SLC12A1: variants seen among roughly 807,000 people sequenced by gnomAD.
The protein encoded by SLC12A1 is solute carrier family 12 member 1.
Under a neutral mutation model 130.4 loss-of-function variants are expected in SLC12A1, and 89 were observed. That is an observed-to-expected ratio of 0.68 (90% CI 0.58 to 0.81). The LOEUF is 0.81. Among genes scored for constraint, SLC12A1 ranks in the 40% least tolerant of loss-of-function variants. The pLI, the probability that SLC12A1 is intolerant of heterozygous loss-of-function variation, is 0.00. For missense variants in SLC12A1, 1,310 were observed against 1,336.4 expected (o/e 0.98, Z 0.31); for synonymous variants, 499 against 460.0 (o/e 1.08, Z -1.09).
At chr15:48,259,858 A>C (rs2141076535) in intron 17 of SLC12A1, among the ~76,000 whole-genome samples, 1 of 152,366 alleles carries the variant, frequency 6.6e-6, no homozygotes, top group South Asian at 2.1e-4. Flanking sequence ...AATACATGGT[A>C]GACTAATAAT....
At position 48,230,383 on chromosome 15, in the gene SLC12A1, G is replaced by T. The variant is rs1260912475; in HGVS notation, c.865-10G>T. On this transcript the variant is annotated splice_polypyrimidine_tract_variant and intron_variant, in intron 6 of 26. Transcript: ENST00000380993. ...TGTATCTCTAAGCACTTAATAATTT[G>T]TTTCCCCAGGAGAGTGATTCGATGA... 2.2e-5 allele frequency: 35 copies of T among 1,573,810 alleles called. No individual in the cohort carries two copies. Among genetic ancestry groups the T allele is most frequent in the Non-Finnish European group, 3.0e-5 (34 of 1,146,628 alleles).
rs2041337663 is a variant in SLC12A1 at position 48,229,313 on chromosome 15, A to G, written c.849A>G (p.Val283=). 5 of 1,601,534 alleles carry G rather than the reference A, an allele frequency of 3.1e-6. No homozygotes were observed. Among genetic ancestry groups the G allele is most frequent in the Non-Finnish European group, 4.3e-6 (5 of 1,173,566 alleles). ...ATGTGGTGGGATTTGCTGAGACTGT[A>G]GTAGATCTTCTTAAGGTAATTAAAA... The part of the protein sequence containing the change: ...AMYVVGFAET[V]VDLLKESDSM... Residue 283 remains valine (V), a synonymous_variant, in exon 6 of 27, where the codon GTA becomes GTG. Transcript: ENST00000380993.
chr15:48,267,630 A>C lies in SLC12A1; in HGVS notation c.2224A>C (p.Asn742His). 6.2e-7 allele frequency: 1 copy of C among 1,613,714 alleles called. No individual in the cohort carries two copies. Among genetic ancestry groups the C allele is most frequent in the Non-Finnish European group, 8.5e-7 (1 of 1,179,670 alleles). Residue 742 changes from asparagine to histidine, a missense_variant, in exon 18 of 27, where the codon AAC becomes CAC. Physicochemically the swap from Asn to His is moderately conservative, Grantham distance 68. Transcript: ENST00000380993. ...GAAAAAACAGGCCTGGCTTATAAAG[A>C]ACAAAATCAAGGCTTTTTATGCTGC... The part of the protein sequence containing the change: ...MAKKQAWLIK[N>H]KIKAFYAAVA...
intron 2 of SLC12A1, among the ~76,000 whole-genome samples, chr15:48,214,820 A>G (rs78452004): frequency 0.013 from 1,990 of 152,240 alleles, 91 homozygotes; most frequent in Admixed American, 0.087. Flanking sequence ...TTGAAACTCA[A>G]TAATGAGTAC....
In SLC12A1 at chr15:48,261,655, G is replaced by A. The variant is rs185778162; in HGVS notation, c.2154+2344G>A. Among the ~76,000 whole-genome samples, 19 of 152,364 alleles carry A rather than the reference G, an allele frequency of 1.2e-4. No individual in the cohort carries two copies. The East Asian group carries it at 2.7e-3, about 22-fold the overall frequency. ...AAACAGATGGAAGGGGATATAGGGG[G>A]AGTAAGTATGCCATTAGAAATTTTT... On this transcript the variant is annotated intron_variant, in intron 17 of 26. Coordinates refer to ENST00000380993, the MANE Select transcript of SLC12A1 (RefSeq NM_000338.3).
intron 17 of SLC12A1, among the ~76,000 whole-genome samples, chr15:48,264,669 C>T (rs1467303889): frequency 6.6e-6 from 1 of 152,072 alleles, no homozygotes; most frequent in Non-Finnish European, 1.5e-5. Flanking sequence ...GAAAAATTTT[C>T]TTTCCCACAA....
intron 10 of SLC12A1, among the ~76,000 whole-genome samples, chr15:48,242,782 A>G (rs1354752399): frequency 1.3e-5 from 2 of 152,352 alleles, no homozygotes; most frequent in East Asian, 3.9e-4. Flanking sequence ...AGCCTGGGCA[A>G]CAGAGTGAGA....
At chr15:48,254,998 G>C (rs1425037073) in intron 15 of SLC12A1, among the ~76,000 whole-genome samples, 1 of 152,102 alleles carries the variant, frequency 6.6e-6, no homozygotes, top group Admixed American at 6.5e-5. Flanking sequence ...GAAGATTAGG[G>C]ATTAGGTTCT....
intron 20 of SLC12A1, among the ~76,000 whole-genome samples, chr15:48,282,787 GTGTTTAGGTTTATCTGA>G (rs924520046): frequency 6.6e-6 from 1 of 152,100 alleles, no homozygotes. Flanking sequence ...ATGCCTGAGA[GTGTTTAGGTTTATCTGA>G]TGATAAAGCA....
At chr15:48,271,411 A>G (rs929596036) in intron 19 of SLC12A1, among the ~76,000 whole-genome samples, 1 of 152,184 alleles carries the variant, frequency 6.6e-6, no homozygotes, top group Admixed American at 6.5e-5. Flanking sequence ...TGAGAGATAC[A>G]GCTGCACTTC....
chr15:48,299,472 A>C (rs186108901), intron 25 of SLC12A1, among the ~76,000 whole-genome samples, 197 bp downstream of exon 25: 5 of 152,190 alleles, frequency 3.3e-5, no homozygotes, highest in Non-Finnish European at 7.3e-5. Context: ...TTTTTCCCAT[A>C]AGGTCAATTA....
At position 48,265,657 on chromosome 15, in the gene SLC12A1, T is replaced by C. The variant is rs562871192; in HGVS notation, c.2155-1904T>C. 3.9e-5 allele frequency among the ~76,000 whole-genome samples: 6 copies of C among 152,318 alleles called. No individual in the cohort carries two copies. In the South Asian group the frequency reaches 1.0e-3, roughly 26 times the overall value. On this transcript the variant is annotated intron_variant, in intron 17 of 26. Transcript: ENST00000380993. ...TATCTTTTCTATCTTCATGGAAGTT[T>C]CTTGTTTTTAAATTTTCCTTTAATG...
rs1566862544 is a variant in SLC12A1, at chr15:48,301,504, G to GGGGT, written c.3164+125_3164+126insTGGG. On this transcript the variant is annotated intron_variant, in intron 26 of 26. Coordinates refer to ENST00000380993, the MANE Select transcript of SLC12A1 (RefSeq NM_000338.3). ...TTGTTTTGTTTTTGTGTTTTTTTTG[G>GGGGT]GGGGGGGAACACGTGGGATTCTTAG... 1.0e-4 allele frequency: 51 copies of GGGGT among 502,882 alleles called. 1 individual carries two copies. The African/African-American group carries it at 1.3e-3, about 13-fold the overall frequency. The allele number at this position is 502,882 out of a possible 1,614,324, so 31.2% of individuals were successfully genotyped here. A position where few individuals can be genotyped will look rare whatever the true frequency, so the allele number is the denominator to read the frequency against.
chr15:48,239,432 T>G (rs1332090068), intron 9 of SLC12A1, among the ~76,000 whole-genome samples: 1 of 151,746 alleles, frequency 6.6e-6, no homozygotes, highest in Non-Finnish European at 1.5e-5. Context: ...GAGGATCACT[T>G]GAGCATGGGA....
At chr15:48,282,375 C>T (rs2042016837) in intron 20 of SLC12A1, among the ~76,000 whole-genome samples, 1 of 152,208 alleles carries the variant, frequency 6.6e-6, no homozygotes, top group Non-Finnish European at 1.5e-5. Flanking sequence ...CCAGTTCACT[C>T]AGCCCGCTGA....
intron 16 of SLC12A1, 53 bp from the exon 17 acceptor site, chr15:48,259,147 A>T: frequency 8.7e-7 from 1 of 1,154,478 alleles, no homozygotes. Context: ...AATGGTTCTA[A>T]GGTTACAGGC....
At chr15:48,262,149 A>T (rs1238360511) in intron 17 of SLC12A1, among the ~76,000 whole-genome samples, 1 of 152,180 alleles carries the variant, frequency 6.6e-6, no homozygotes, top group Non-Finnish European at 1.5e-5. Flanking sequence ...TGAGGTCCAG[A>T]CACTGGATTT....
chr15:48,214,399 A>G (rs945410962), intron 2 of SLC12A1, among the ~76,000 whole-genome samples: 1 of 152,206 alleles, frequency 6.6e-6, no homozygotes, highest in Non-Finnish European at 1.5e-5. Context: ...TCTTTTTCAT[A>G]TGCCAGTTTA....
At chr15:48,211,937 CTATACTGGTGACCGT>C (rs1329525736) in intron 2 of SLC12A1, among the ~76,000 whole-genome samples, 3 of 152,188 alleles carry the variant, frequency 2.0e-5, no homozygotes, top group East Asian at 3.9e-4. Flanking sequence ...AGCTAAATAC[CTATACTGGTGACCGT>C]TAATTATAAA....
Sources: gnomAD v4.1 joint callset for allele counts (sites outside exome capture counted in the v4.1 genomes callset) on GRCh38, gnomAD v4.1.1 for gene constraint, MANE v1.5 for transcripts, NCBI Gene and HGNC (gene_info 2026-07-23, HGNC 2026-07-21) for gene names.